Variants in COPG2 observed in about 807,000 individuals in gnomAD.
COPG2 encodes coatomer subunit gamma-2.
A neutral mutation model predicts 46.3 loss-of-function variants in COPG2; 37 were observed. The observed-to-expected ratio is 0.80, with a 90% CI of 0.61 to 1.05. The LOEUF is 1.05. COPG2 is among the 50% of genes least tolerant of loss of function. COPG2 has a pLI of 0.00. For synonymous variants in COPG2, 159 were observed against 129.7 expected (o/e 1.23, Z -1.53); for missense variants, 427 against 387.8 (o/e 1.10, Z -0.85).
At chr7:130,616,931 G>C in intron 6 of COPG2, 59 bp downstream of exon 6, 1 of 1,055,912 alleles carries the variant, frequency 9.5e-7, no homozygotes, top group Admixed American at 2.1e-5. Flanking sequence ...AAATCTACAT[G>C]GCCACCTGCA....
intron 5 of COPG2, among the ~76,000 whole-genome samples, chr7:130,621,943 C>CAAAA (rs562107230): frequency 4.4e-5 from 3 of 67,524 alleles, no homozygotes; most frequent in Non-Finnish European, 9.2e-5. Flanking sequence ...GACTCCATCT[C>CAAAA]AAAAAAAAAA....
At chr7:130,610,030 C>A in intron 9 of COPG2, 1 of 512,016 alleles carries the variant, frequency 2.0e-6, no homozygotes, top group Non-Finnish European at 3.9e-6. Context: ...GTCACTGCCT[C>A]CTAATTTCTA....
chr7:130,611,202 T>A, intron 8 of COPG2, 92 bp from the exon 9 acceptor site: 1 of 1,200,344 alleles, frequency 8.3e-7, no homozygotes, highest in Non-Finnish European at 1.2e-6. Flanking sequence ...AGATTAAAGA[T>A]TTCTTTAAAA....
At chr7:130,628,302 C>T (rs948968949) in intron 5 of COPG2, among the ~76,000 whole-genome samples, 3 of 152,090 alleles carry the variant, frequency 2.0e-5, no homozygotes, top group Admixed American at 2.0e-4. Context: ...CCTTTAATAA[C>T]TTTGGTACCA....
chr7:130,597,765 A>C (rs1271438927), intron 9 of COPG2, among the ~76,000 whole-genome samples: 1 of 152,252 alleles, frequency 6.6e-6, no homozygotes, highest in Non-Finnish European at 1.5e-5. Flanking sequence ...GCCCTAAAAA[A>C]TATATGCTAA....
intron 20 of COPG2, among the ~76,000 whole-genome samples, chr7:130,528,648 C>T (rs1231744103): frequency 2.6e-5 from 4 of 150,996 alleles, no homozygotes; most frequent in African/African-American, 4.9e-5. Flanking sequence ...CAACCTGCGC[C>T]CCAGGGGCTG....
At chr7:130,646,203 C>G (rs1050705292) in intron 5 of COPG2, among the ~76,000 whole-genome samples, 69 of 152,290 alleles carry the variant, frequency 4.5e-4, no homozygotes, top group African/African-American at 1.3e-3. Context: ...AAGGCTGAAC[C>G]AAATGAGGTG....
At chr7:130,633,253 T>C (rs1171156496) in intron 5 of COPG2, among the ~76,000 whole-genome samples, 1 of 152,192 alleles carries the variant, frequency 6.6e-6, no homozygotes, top group Non-Finnish European at 1.5e-5. Flanking sequence ...CCTTTGGATA[T>C]ATACCCAGTA....
intron 9 of COPG2, chr7:130,605,112 T>C: frequency 4.1e-6 from 2 of 489,958 alleles, no homozygotes; most frequent in Non-Finnish European, 8.0e-6. Context: ...CTTGATCTTA[T>C]CCCACAGTTC....
intron 10 of COPG2, among the ~76,000 whole-genome samples, chr7:130,563,966 A>C (rs1793761446): frequency 6.6e-6 from 1 of 152,000 alleles, no homozygotes; most frequent in Non-Finnish European, 1.5e-5. Context: ...AAAGTTTCAT[A>C]CGAGGAAACA....
intron 10 of COPG2, 87 bp from the exon 11 acceptor site, chr7:130,563,423 G>GAAAAGT: frequency 2.6e-6 from 1 of 385,872 alleles, no homozygotes; most frequent in East Asian, 3.7e-5. Context: ...GAGAACTATA[G>GAAAAGT]AAAAGTTGAA....
At position 130,655,603 on chromosome 7, in the gene COPG2, C is replaced by T. The variant is rs1554459794; in HGVS notation, c.244-2655G>A. The stretch of plus-strand genomic sequence containing the variant: ...CCGCCCCTCTTTTTTCTCTCCAGCT[C>T]CTTCTTCTTTGGTATTCTGCTTCAT... On this transcript the variant is annotated intron_variant, in intron 4 of 23. Transcript: ENST00000425248. Among the ~76,000 whole-genome samples, 3 of 152,056 alleles carry T rather than the reference C, an allele frequency of 2.0e-5. No homozygotes were observed. The East Asian group carries it at 5.8e-4, about 29-fold the overall frequency.
chr7:130,633,640 C>T (rs1584595135), intron 5 of COPG2, among the ~76,000 whole-genome samples: 4 of 152,074 alleles, frequency 2.6e-5, no homozygotes, highest in Admixed American at 2.6e-4. Flanking sequence ...GATGGATAGA[C>T]TGCAAAAATT....
intron 9 of COPG2, among the ~76,000 whole-genome samples, chr7:130,578,796 G>GA (rs1554446712): frequency 6.6e-6 from 1 of 150,608 alleles, no homozygotes. Context: ...GAAGTTTAGA[G>GA]AAAAAAGAAT....
Position 130,668,644 on chromosome 7 carries a change from C to G in COPG2, c.25G>C (p.Asp9His), listed in dbSNP as rs1255353396. 2 of 1,542,724 alleles carry G rather than the reference C, an allele frequency of 1.3e-6. No individual in the cohort carries two copies. Among genetic ancestry groups the G allele is most frequent in the African/African-American group, 2.9e-5 (2 of 69,682 alleles). Residue 9 changes from aspartate to histidine, a missense_variant, in exon 1 of 24, where the codon GAC becomes CAC. By Grantham distance (81) the Asp-to-His change is moderately conservative. Coordinates refer to ENST00000425248, the MANE Select transcript of COPG2 (RefSeq NM_012133.6). ...GCCCCGCGCGTACCAGACTCCTCGTCCTTCTTGTCGAATTTTTTAATCATC... is the reference window on the plus strand; with the variant it reads ...GCCCCGCGCGTACCAGACTCCTCGTGCTTCTTGTCGAATTTTTTAATCATC... MIKKFDKK[D>H]EESGSGSNPF...
intron 3 of COPG2, among the ~76,000 whole-genome samples, chr7:130,663,527 G>T (rs1796017878): frequency 6.6e-6 from 1 of 151,938 alleles, no homozygotes; most frequent in South Asian, 2.1e-4. Context: ...AACCAAAAGG[G>T]CAGGAACCAG....
chr7:130,512,566 G>T (rs1398146194), intron 20 of COPG2, among the ~76,000 whole-genome samples: 1 of 152,090 alleles, frequency 6.6e-6, no homozygotes, highest in Non-Finnish European at 1.5e-5. Context: ...GATCACTTGA[G>T]GTCAGGAGTT....
At chr7:130,641,919 T>A (rs964308171) in intron 5 of COPG2, among the ~76,000 whole-genome samples, 3 of 152,328 alleles carry the variant, frequency 2.0e-5, no homozygotes, top group African/African-American at 7.2e-5. Flanking sequence ...ACCCATTTAT[T>A]TCTTCCTAAA....
chr7:130,523,486 C>T (rs1198941344), intron 20 of COPG2, among the ~76,000 whole-genome samples: 10 of 152,262 alleles, frequency 6.6e-5, no homozygotes, highest in Admixed American at 2.6e-4. Flanking sequence ...CGGGCAGATA[C>T]GTGGAGTGCG....
Sources: allele counts gnomAD v4.1 joint callset (sites outside exome capture counted in the v4.1 genomes callset), GRCh38; gene constraint gnomAD v4.1.1; transcripts MANE v1.5; gene names NCBI Gene and HGNC (gene_info 2026-07-23, HGNC 2026-07-21).